The following KATNIP variants were observed in gnomAD, a reference collection of about 807,000 sequenced individuals.
The protein encoded by KATNIP is katanin-interacting protein.
Under a neutral mutation model 174.0 loss-of-function variants are expected in KATNIP, and 126 were observed. That is an observed-to-expected ratio of 0.72 (90% CI 0.63 to 0.84). The LOEUF (loss-of-function observed/expected upper bound fraction) is 0.84, where lower values mean the gene tolerates loss of function less well. Among genes scored for constraint, KATNIP ranks in the 40% least tolerant of loss-of-function variants. The pLI is 0.00. For missense variants in KATNIP, 1,958 were observed against 2,109.7 expected (o/e 0.93, Z 1.41); for synonymous variants, 810 against 835.7 (o/e 0.97, Z 0.53).
intron 6 of KATNIP, 78 bp downstream of exon 6, chr16:27,648,813 C>G: frequency 6.8e-7 from 1 of 1,479,744 alleles, no homozygotes; most frequent in Non-Finnish European, 9.2e-7. Flanking sequence ...CCTCGGGGCA[C>G]TTTCTGACAG....
chr16:27,628,943 G>A, intron 4 of KATNIP, 113 bp downstream of exon 4: 2 of 1,112,936 alleles, frequency 1.8e-6, no homozygotes, highest in Non-Finnish European at 2.6e-6. Context: ...TGAGGCGGGT[G>A]GATCACTTGA....
At chr16:27,716,626 A>G (rs186624241) in intron 13 of KATNIP, among the ~76,000 whole-genome samples, 2 of 152,294 alleles carry the variant, frequency 1.3e-5, no homozygotes, top group African/African-American at 2.4e-5. Context: ...GTACATGTAT[A>G]TATTTCTATG....
At chr16:27,772,078 A>G (rs886190553) in intron 22 of KATNIP, among the ~76,000 whole-genome samples, 1 of 152,142 alleles carries the variant, frequency 6.6e-6, no homozygotes, top group Non-Finnish European at 1.5e-5. Context: ...GGAGTTTGAG[A>G]CTAGCCTGGG....
chr16:27,763,601 C>CG, intron 19 of KATNIP, among the ~76,000 whole-genome samples: 1 of 133,990 alleles, frequency 7.5e-6, no homozygotes, highest in East Asian at 2.1e-4. Context: ...GGCAACAGAG[C>CG]GGGACCCTGT....
chr16:27,574,651 G>A (rs1318510179), intron 2 of KATNIP, among the ~76,000 whole-genome samples: 1 of 130,168 alleles, frequency 7.7e-6, no homozygotes, highest in Non-Finnish European at 1.6e-5. Flanking sequence ...TGCAACCTCC[G>A]CCTCCCGGGT....
intron 1 of KATNIP, among the ~76,000 whole-genome samples, chr16:27,556,073 G>A (rs2089613498): frequency 6.6e-6 from 1 of 151,762 alleles, no homozygotes; most frequent in African/African-American, 2.4e-5. Flanking sequence ...GTTGCAGTGA[G>A]CTGAGATTGC....
At chr16:27,625,243 A>G (rs2076298827) in intron 3 of KATNIP, among the ~76,000 whole-genome samples, 1 of 152,214 alleles carries the variant, frequency 6.6e-6, no homozygotes, top group African/African-American at 2.4e-5. Context: ...TCAGTTTCAT[A>G]AATCTACATT....
intron 14 of KATNIP, among the ~76,000 whole-genome samples, chr16:27,728,361 A>G (rs1358397811): frequency 6.6e-6 from 1 of 152,240 alleles, no homozygotes; most frequent in East Asian, 1.9e-4. Context: ...GAGAGTTCCA[A>G]GAGGGTCAGC....
intron 5 of KATNIP, among the ~76,000 whole-genome samples, chr16:27,639,709 A>G (rs2076738460): frequency 6.6e-6 from 1 of 152,220 alleles, no homozygotes; most frequent in Non-Finnish European, 1.5e-5. Context: ...AAAAATGGGA[A>G]GTGTTGGGGG....
At chr16:27,677,009 C>T (rs1386418475) in intron 6 of KATNIP, among the ~76,000 whole-genome samples, 1 of 152,082 alleles carries the variant, frequency 6.6e-6, no homozygotes, top group Non-Finnish European at 1.5e-5. Flanking sequence ...TATAGTAGTG[C>T]TCGCTTTCTC....
At chr16:27,712,141 G>A (rs1022746874) in intron 13 of KATNIP, among the ~76,000 whole-genome samples, 1 of 152,194 alleles carries the variant, frequency 6.6e-6, no homozygotes, top group Non-Finnish European at 1.5e-5. Flanking sequence ...AGACTGGGGC[G>A]CTTTGCCATG....
rs1052828960 is a variant in KATNIP at position 27,627,176 on chromosome 16, G to A, written c.141-1485G>A. 2.0e-4 allele frequency among the ~76,000 whole-genome samples: 30 copies of A among 152,280 alleles called. 1 individual carries two copies. Among genetic ancestry groups the A allele is most frequent in the Admixed American group, 6.5e-4 (10 of 15,282 alleles). ...ACATCTTTAGTCCCCCGATACACACGTTCCCAGCTGATATAGAACAAGGCA... is the reference window on the plus strand; with the variant it reads ...ACATCTTTAGTCCCCCGATACACACATTCCCAGCTGATATAGAACAAGGCA... On this transcript the variant is annotated intron_variant, in intron 3 of 27. Transcript: ENST00000261588.
chr16:27,648,761 C>G, intron 6 of KATNIP, 26 bp downstream of exon 6: 2 of 1,608,130 alleles, frequency 1.2e-6, no homozygotes, highest in African/African-American at 2.7e-5. Context: ...GCCTTGTGCT[C>G]GGGACACCTG....
At chr16:27,609,820 T>A (rs1490378888) in intron 2 of KATNIP, among the ~76,000 whole-genome samples, 1 of 152,050 alleles carries the variant, frequency 6.6e-6, no homozygotes, top group Non-Finnish European at 1.5e-5. Flanking sequence ...GCCTCCCGTG[T>A]AGCTGGGATT....
intron 13 of KATNIP, among the ~76,000 whole-genome samples, chr16:27,709,370 C>T (rs1261162469): frequency 2.6e-5 from 4 of 151,906 alleles, no homozygotes; most frequent in Non-Finnish European, 5.9e-5. Context: ...ACCTGTAATC[C>T]CAGCACTTTG....
At chr16:27,729,898 G>T (rs566679857) in intron 14 of KATNIP, among the ~76,000 whole-genome samples, 21 of 152,330 alleles carry the variant, frequency 1.4e-4, no homozygotes, top group African/African-American at 4.3e-4. Flanking sequence ...GCCTGTTGCT[G>T]CATGATACCT....
At chr16:27,579,017 G>C (rs1162563912) in intron 2 of KATNIP, among the ~76,000 whole-genome samples, 1 of 152,202 alleles carries the variant, frequency 6.6e-6, no homozygotes, top group African/African-American at 2.4e-5. Context: ...ATTATATAGT[G>C]TTTATGGCCC....
intron 19 of KATNIP, among the ~76,000 whole-genome samples, chr16:27,766,042 A>G (rs2082110023): frequency 6.6e-6 from 1 of 152,062 alleles, no homozygotes; most frequent in Admixed American, 6.5e-5. Context: ...CCTTTTAAAA[A>G]AAAAACAAAA....
intron 5 of KATNIP, among the ~76,000 whole-genome samples, chr16:27,633,492 A>G (rs983129374): frequency 5.4e-5 from 8 of 149,118 alleles, no homozygotes; most frequent in South Asian, 2.1e-4. Flanking sequence ...TTTATTCACT[A>G]TATTACCCAG....
Sources: allele counts gnomAD v4.1 joint callset (sites outside exome capture counted in the v4.1 genomes callset), GRCh38; gene constraint gnomAD v4.1.1; transcripts MANE v1.5; gene names NCBI Gene and HGNC (gene_info 2026-07-23, HGNC 2026-07-21).